The following ADGRL2 variants were observed in gnomAD, a reference collection of about 807,000 sequenced individuals.
ADGRL2 encodes calcium-independent alpha-latrotoxin receptor 2.
ADGRL2 carries 44 observed loss-of-function variants against 157.4 expected under a neutral mutation model. That is an observed-to-expected ratio of 0.28 (90% confidence interval 0.22 to 0.36). The LOEUF (loss-of-function observed/expected upper bound fraction) is 0.36, where lower values mean the gene tolerates loss of function less well. Ranked by LOEUF, ADGRL2 falls within the 10% of genes least tolerant of loss-of-function variation. ADGRL2 has a pLI of 1.00. For synonymous variants in ADGRL2, 585 were observed against 624.7 expected (o/e 0.94, Z 0.95); for missense variants, 1,510 against 1,768.9 (o/e 0.85, Z 2.63).
intron 2 of ADGRL2, among the ~76,000 whole-genome samples, chr1:81,894,786 A>G (rs576149486): frequency 2.0e-5 from 3 of 152,138 alleles, no homozygotes; most frequent in East Asian, 1.9e-4. Context: ...AAGCATGTCT[A>G]TTATTACCAA....
At chr1:81,479,426 T>A (rs2078339968) in intron 2 of ADGRL2, among the ~76,000 whole-genome samples, 1 of 151,960 alleles carries the variant, frequency 6.6e-6, no homozygotes, top group Admixed American at 6.6e-5. Context: ...GAGGTTACAG[T>A]GAGCCAAGAT....
intron 1 of ADGRL2, among the ~76,000 whole-genome samples, chr1:81,716,263 C>A (rs897305957): frequency 6.6e-6 from 1 of 152,150 alleles, no homozygotes; most frequent in African/African-American, 2.4e-5. Context: ...TGTGCTTGAT[C>A]AGTTCTGCTA....
intron 3 of ADGRL2, among the ~76,000 whole-genome samples, chr1:81,615,977 C>A (rs951286549): frequency 1.3e-5 from 2 of 152,126 alleles, no homozygotes; most frequent in African/African-American, 2.4e-5. Flanking sequence ...CTTCAGACTG[C>A]AGGTATCAAT....
At chr1:81,515,692 G>A (rs1332118336) in intron 2 of ADGRL2, among the ~76,000 whole-genome samples, 2 of 152,152 alleles carry the variant, frequency 1.3e-5, no homozygotes, top group South Asian at 2.1e-4. Context: ...AAATATTTCC[G>A]AAGCCTCACT....
intron 1 of ADGRL2, among the ~76,000 whole-genome samples, chr1:81,430,804 G>T (rs1032537711): frequency 6.6e-6 from 1 of 152,086 alleles, no homozygotes; most frequent in African/African-American, 2.4e-5. Flanking sequence ...GGCTTAAGAC[G>T]TGCAGAAAGT....
intron 2 of ADGRL2, among the ~76,000 whole-genome samples, chr1:81,535,141 G>T (rs946659234): frequency 3.9e-5 from 6 of 152,284 alleles, no homozygotes; most frequent in African/African-American, 1.4e-4. Context: ...GTACAACGTA[G>T]AAAGAGTTCT....
chr1:81,535,118 C>T (rs193173979), intron 2 of ADGRL2, among the ~76,000 whole-genome samples: 114 of 152,198 alleles, frequency 7.5e-4, no homozygotes, highest in African/African-American at 2.7e-3. Flanking sequence ...TAGTCCAAGT[C>T]GGCTTTAAGT....
chr1:81,587,038 A>G (rs2081041638), intron 3 of ADGRL2, among the ~76,000 whole-genome samples: 1 of 152,096 alleles, frequency 6.6e-6, no homozygotes, highest in Non-Finnish European at 1.5e-5. Context: ...CAAGAGGAAA[A>G]TGACTGAAGA....
At chr1:81,582,067 A>G (rs951254763) in intron 3 of ADGRL2, among the ~76,000 whole-genome samples, 2 of 151,946 alleles carry the variant, frequency 1.3e-5, no homozygotes, top group African/African-American at 2.4e-5. Context: ...CTAAAAATAC[A>G]AAATTAGCCA....
intron 1 of ADGRL2, among the ~76,000 whole-genome samples, chr1:81,805,901 G>C (rs1401893879): frequency 6.6e-6 from 1 of 152,014 alleles, no homozygotes; most frequent in East Asian, 1.9e-4. Context: ...CTTTATGTGA[G>C]GGTGATCTTG....
At chr1:81,857,056 G>T (rs2093227896) in intron 2 of ADGRL2, among the ~76,000 whole-genome samples, 1 of 152,132 alleles carries the variant, frequency 6.6e-6, no homozygotes, top group Admixed American at 6.6e-5. Flanking sequence ...AATCACTGTA[G>T]TAGGTGCTTT....
chr1:81,396,607 C>T (rs1313338661), intron 1 of ADGRL2, among the ~76,000 whole-genome samples: 2 of 152,132 alleles, frequency 1.3e-5, no homozygotes, highest in Admixed American at 6.6e-5. Flanking sequence ...CAGCTTTTCT[C>T]AGTTCAGATG....
At chr1:81,535,369 G>A (rs906900432) in intron 2 of ADGRL2, among the ~76,000 whole-genome samples, 2 of 151,876 alleles carry the variant, frequency 1.3e-5, no homozygotes, top group African/African-American at 4.8e-5. Flanking sequence ...GGATTGTTGC[G>A]CTGTGGTGAT....
At chr1:81,444,668 A>T (rs114085877) in intron 1 of ADGRL2, among the ~76,000 whole-genome samples, 1 of 152,184 alleles carries the variant, frequency 6.6e-6, no homozygotes, top group Non-Finnish European at 1.5e-5. Flanking sequence ...GGTGGCATCA[A>T]TGGGCTGTCT....
intron 2 of ADGRL2, among the ~76,000 whole-genome samples, chr1:81,488,050 C>T (rs111251408): frequency 1.6e-4 from 24 of 152,228 alleles, no homozygotes; most frequent in African/African-American, 5.3e-4. Context: ...GCATGCTACC[C>T]CTGCCCCCCG....
In ADGRL2 at chr1:81,936,796, C is replaced by T. The variant is rs1468753578; in HGVS notation, c.356C>T (p.Thr119Ile). ...GTGTTTCCTGATCCATGTCCTGGAACATACAAATACCTTGAAGTCCAATAT... is the reference window on the plus strand; with the variant it reads ...GTGTTTCCTGATCCATGTCCTGGAATATACAAATACCTTGAAGTCCAATAT... ...SDVFPDPCPGTYKYLEVQYEC... is the reference protein window; with the variant it reads ...SDVFPDPCPGIYKYLEVQYEC... The change falls in exon 4 of 24, where the codon ACA (threonine) becomes ATA (isoleucine). Residue 119 changes from threonine (T) to isoleucine (I), a missense_variant. By Grantham distance (89) the Thr-to-Ile change is moderately conservative. Coordinates refer to ENST00000686636, the MANE Select transcript of ADGRL2 (RefSeq NM_001366006.2). 2 of 1,611,350 alleles carry T rather than the reference C, an allele frequency of 1.2e-6. No individual in the cohort carries two copies. Among genetic ancestry groups the T allele is most frequent in the Non-Finnish European group, 1.7e-6 (2 of 1,177,818 alleles).
chr1:81,356,097 GA>G (rs1234099897), intron 1 of ADGRL2, among the ~76,000 whole-genome samples: 2 of 152,072 alleles, frequency 1.3e-5, no homozygotes, highest in Non-Finnish European at 2.9e-5. Context: ...GAAGAGATAA[GA>G]AAAACCTGAG....
At position 81,473,379 on chromosome 1, in the gene ADGRL2, T is replaced by C. The variant is rs543356867; in HGVS notation, c.-248+28290T>C. Reference sequence around the variant, plus strand: ...GATGTGGCTAGTGGAACTGAGATGTTCCAGAACTTATATACACACTGGATT... The same window carrying C: ...GATGTGGCTAGTGGAACTGAGATGTCCCAGAACTTATATACACACTGGATT... On this transcript the variant is annotated intron_variant, in intron 2 of 24. Coordinates refer to the ADGRL2 transcript ENST00000370721. 7.9e-5 allele frequency among the ~76,000 whole-genome samples: 12 copies of C among 152,228 alleles called. No homozygotes were observed. The South Asian group carries it at 2.3e-3, about 29-fold the overall frequency.
intron 2 of ADGRL2, among the ~76,000 whole-genome samples, chr1:81,541,925 T>C (rs2079895335): frequency 6.6e-6 from 1 of 152,086 alleles, no homozygotes; most frequent in Admixed American, 6.5e-5. Context: ...TCCATTGTAC[T>C]CCAGCCTGGG....
Sources: allele counts gnomAD v4.1 joint callset (sites outside exome capture counted in the v4.1 genomes callset), GRCh38; gene constraint gnomAD v4.1.1; transcripts MANE v1.5; gene names NCBI Gene and HGNC (gene_info 2026-07-23, HGNC 2026-07-21).